Variants in PKN3 observed in about 807,000 individuals in gnomAD.
The protein encoded by PKN3 is serine/threonine-protein kinase N3.
PKN3 carries 91 observed loss-of-function variants against 113.1 expected under a neutral mutation model. That is an observed-to-expected ratio of 0.80 (90% CI 0.68 to 0.96). PKN3 has a LOEUF of 0.96. Among genes scored for constraint, PKN3 ranks in the 40% least tolerant of loss-of-function variants. The pLI, the probability that PKN3 is intolerant of heterozygous loss-of-function variation, is 0.00. For synonymous variants in PKN3, 467 were observed against 499.0 expected (o/e 0.94, Z 0.85); for missense variants, 1,052 against 1,202.2 (o/e 0.88, Z 1.85).
At chr9:128,703,611 T>C (rs1224068998) in intron 1 of PKN3, 4 of 984,948 alleles carry the variant, frequency 4.1e-6, no homozygotes, top group Non-Finnish European at 4.8e-6. Context: ...GAGCGAGTGG[T>C]TGGGAGGGGG....
Position 128,705,386 on chromosome 9 carries a change from G to A in PKN3, c.108G>A (p.Gly36=). The A allele has an allele frequency of 1.3e-6, 2 of 1,597,748 alleles. No homozygotes were observed. Among genetic ancestry groups the A allele is most frequent in the African/African-American group, 1.3e-5 (1 of 74,712 alleles). ...AIQKELKIKE[G]VENLRRVATD... is the part of the protein sequence containing the mutation. ...AGAAAGAGCTGAAGATCAAGGAGGG[G>A]GTGGAGAACCTGCGGCGCGTGGCCA... The change falls in exon 2 of 22, where the codon GGG becomes GGA. Residue 36 remains glycine, a synonymous_variant. Coordinates refer to ENST00000291906, the MANE Select transcript of PKN3 (RefSeq NM_013355.5).
chr9:128,716,782 G>T lies in PKN3; in HGVS notation c.1844G>T (p.Gly615Val). The change falls in exon 16 of 22, where the codon GGC becomes GTC. Residue 615 changes from glycine (G) to valine (V), a missense_variant. Gly to Val is a moderately radical substitution (Grantham distance 109). Coordinates refer to ENST00000291906, the MANE Select transcript of PKN3 (RefSeq NM_013355.5). ...GAGAAGCGGATCCTGGAGGCTGTGG[G>T]CTGCACAGGGCACCCTTTCCTGCTC... Reference protein sequence around the residue: ...YCEKRILEAVGCTGHPFLLSL... With the variant: ...YCEKRILEAVVCTGHPFLLSL... 6.2e-7 allele frequency: 1 copy of T among 1,614,002 alleles called. No homozygotes were observed. Among genetic ancestry groups the T allele is most frequent in the Non-Finnish European group, 8.5e-7 (1 of 1,179,974 alleles).
In PKN3 at chr9:128,719,899, C is replaced by G; in HGVS notation, c.2269-11C>G. The G allele has an allele frequency of 6.2e-7, 1 of 1,613,348 alleles. No individual in the cohort carries two copies. Among genetic ancestry groups the G allele is most frequent in the Non-Finnish European group, 8.5e-7 (1 of 1,179,346 alleles). ...TGGCCCGTGCATCCTGCTGAGCCCC[C>G]ATCTCCACAGTGCCCGTTCCCAGGG... On this transcript the variant is annotated splice_polypyrimidine_tract_variant and intron_variant, in intron 19 of 21. Transcript: ENST00000291906.
intron 13 of PKN3, 134 bp downstream of exon 13, chr9:128,714,999 C>T: frequency 9.3e-7 from 1 of 1,075,596 alleles, no homozygotes; most frequent in Non-Finnish European, 1.4e-6. Context: ...TTTACTAAAC[C>T]CACATTATTG....
intron 17 of PKN3, 57 bp downstream of exon 17, chr9:128,718,444 T>C: frequency 6.4e-7 from 1 of 1,566,368 alleles, no homozygotes; most frequent in Admixed American, 1.7e-5. Context: ...GTGGAGTGGG[T>C]AAGGACAGAT....
chr9:128,706,651 G>T, intron 3 of PKN3, 62 bp from the exon 4 acceptor site: 1 of 1,269,648 alleles, frequency 7.9e-7, no homozygotes. Flanking sequence ...TCCAGTTCCT[G>T]GTCTGATGGG....
At chr9:128,719,225 TGTTGCCCAGG>T (rs1211597815) in intron 18 of PKN3, among the ~76,000 whole-genome samples, 2 of 148,992 alleles carry the variant, frequency 1.3e-5, no homozygotes, top group African/African-American at 5.0e-5. Flanking sequence ...AGTCTTGCCC[TGTTGCCCAGG>T]CTGGAGTGCA....
At chr9:128,707,813 T>A (rs1589479022) in intron 6 of PKN3, among the ~76,000 whole-genome samples, 1 of 152,044 alleles carries the variant, frequency 6.6e-6, no homozygotes, top group East Asian at 1.9e-4. Context: ...TGGCTCACGC[T>A]GGTAATTCCA....
chr9:128,714,568 C>G lies in PKN3; in HGVS notation c.1488C>G (p.Phe496Leu), dbSNP rs1211412830. The G allele has an allele frequency of 8.0e-7, 1 of 1,246,264 alleles. No homozygotes were observed. The allele number at this position is 1,246,264 out of a possible 1,614,324, so 77.2% of individuals were successfully genotyped here. A position where few individuals can be genotyped will look rare whatever the true frequency, so the allele number is the denominator to read the frequency against. The change falls in exon 12 of 22, where the codon TTC (phenylalanine) becomes TTG (leucine). Residue 496 changes from phenylalanine to leucine, a missense_variant. Coordinates refer to ENST00000291906, the MANE Select transcript of PKN3 (RefSeq NM_013355.5). ...GTCTACTTTCTCCCTACAGTAATTT[C>G]CTGCCCAAGAAGACCCCCTTGGGTG... ...EASDPATPSN[F>L]LPKKTPLGEE...
rs752493287 is a variant in PKN3, at chr9:128,716,790, G to T, written c.1852G>T (p.Gly618Trp). The T allele has an allele frequency of 6.2e-7, 1 of 1,614,046 alleles. No individual in the cohort carries two copies. The highest frequency in any genetic ancestry group is 1.1e-5 in the South Asian group (1 of 91,078). Residue 618 changes from glycine to tryptophan, a missense_variant, in exon 16 of 22, where the codon GGG becomes TGG. Gly to Trp is a radical substitution (Grantham distance 184). Around this residue, in one of 2 missense-constraint regions of PKN3, gnomAD observed 333 missense variants for 442.8 expected, o/e 0.75. Transcript: ENST00000291906. Reference sequence around the variant, plus strand: ...GATCCTGGAGGCTGTGGGCTGCACAGGGCACCCTTTCCTGCTCTCCCTCCT... The same window carrying T: ...GATCCTGGAGGCTGTGGGCTGCACATGGCACCCTTTCCTGCTCTCCCTCCT... ...KRILEAVGCT[G>W]HPFLLSLLAC...
chr9:128,705,685 G>C, intron 2 of PKN3, 49 bp from the exon 3 acceptor site: 1 of 1,551,614 alleles, frequency 6.4e-7, no homozygotes, highest in Non-Finnish European at 8.7e-7. Flanking sequence ...CACAGTGGGG[G>C]TCTCGGCTCT....
intron 1 of PKN3, chr9:128,704,019 C>A: frequency 1.0e-6 from 1 of 985,186 alleles, no homozygotes; most frequent in Non-Finnish European, 1.2e-6. Flanking sequence ...CTCGCCCTTG[C>A]CCTCTGACAG....
Position 128,705,834 on chromosome 9 carries a change from G to A in PKN3, c.366G>A (p.Gln122=). Residue 122 remains glutamine, a synonymous_variant, in exon 3 of 22, where the codon CAG becomes CAA. Transcript: ENST00000291906. The stretch of plus-strand genomic sequence containing the variant: ...TGCATGTGGAGCTGAAGGTGAAGCA[G>A]GGGGCTGAGAACATGACCCACACGT... ...RQLHVELKVK[Q]GAENMTHTCA... The A allele has an allele frequency of 1.2e-6, 2 of 1,609,086 alleles. No individual in the cohort carries two copies. The highest frequency in any genetic ancestry group is 1.7e-6 in the Non-Finnish European group (2 of 1,177,700).
chr9:128,712,910 G>C, intron 6 of PKN3, 142 bp from the exon 7 acceptor site: 1 of 821,902 alleles, frequency 1.2e-6, no homozygotes, highest in Non-Finnish European at 1.9e-6. Flanking sequence ...GGTTCCTCAG[G>C]TAACTGCCCT....
At position 128,705,781 on chromosome 9, in the gene PKN3, CG is replaced by C; in HGVS notation, c.315del (p.His106ThrfsTer2). 6.2e-7 allele frequency: 1 copy of C among 1,608,254 alleles called. No homozygotes were observed. The highest frequency in any genetic ancestry group is 1.1e-5 in the South Asian group (1 of 89,692). ...GCCGTGGGCAGAGCAGCTCAGGGCT[CG>C]GCACCTAGAGGCTCTCCGGAGGCAG... ...PRPWAEQLRA[R>X]HLEALRRQLH... On this transcript the variant is annotated frameshift_variant, in exon 3 of 22. Coordinates refer to ENST00000291906, the MANE Select transcript of PKN3 (RefSeq NM_013355.5). LOFTEE classifies it high-confidence loss of function.
At chr9:128,719,274 C>T (rs984104951) in intron 18 of PKN3, among the ~76,000 whole-genome samples, 1 of 151,980 alleles carries the variant, frequency 6.6e-6, no homozygotes, top group Admixed American at 6.6e-5. Context: ...ACTGCAACCT[C>T]TGCCTCCAAG....
chr9:128,713,500 C>G lies in PKN3; in HGVS notation c.1094C>G (p.Ala365Gly). 1 of 1,614,024 alleles carries G rather than the reference C, an allele frequency of 6.2e-7. No homozygotes were observed. The highest frequency in any genetic ancestry group is 8.5e-7 in the Non-Finnish European group (1 of 1,179,978). Residue 365 changes from alanine (A) to glycine (G), a missense_variant and splice_region_variant, in exon 9 of 22, where the codon GCC becomes GGC. Around this residue, in one of 2 missense-constraint regions of PKN3, gnomAD observed 719 missense variants for 759.4 expected, o/e 0.95. Transcript: ENST00000291906. ...DQTFVIPLER[A>G]RELEIGVHWR... ...TTCAGCCTGGCCTCCCCAATACAGG[C>G]CCGTGAGCTGGAGATTGGGGTACAC... is the stretch of plus-strand genomic sequence containing the variant.
chr9:128,710,558 A>T (rs763095746), intron 6 of PKN3, among the ~76,000 whole-genome samples: 10 of 151,004 alleles, frequency 6.6e-5, no homozygotes, highest in Non-Finnish European at 1.3e-4. Flanking sequence ...GTGGTGCGAT[A>T]TCAGCTCACT....
At chr9:128,708,645 G>C (rs1230161208) in intron 6 of PKN3, among the ~76,000 whole-genome samples, 1 of 151,850 alleles carries the variant, frequency 6.6e-6, no homozygotes. Flanking sequence ...AGGATTTCTA[G>C]ACGAGCCTGG....
Sources: allele counts gnomAD v4.1 joint callset (sites outside exome capture counted in the v4.1 genomes callset), GRCh38; gene constraint gnomAD v4.1.1; regional missense constraint gnomAD v4.1.1; transcripts MANE v1.5; gene names NCBI Gene and HGNC (gene_info 2026-07-23, HGNC 2026-07-21).